PNLDC1: variants seen among roughly 807,000 people sequenced by gnomAD.
PNLDC1 encodes the protein PARN like ribonuclease domain containing exonuclease 1, also known as poly(A)-specific ribonuclease PNLDC1.
Under a neutral mutation model 82.0 loss-of-function variants are expected in PNLDC1, and 70 were observed. That is an observed-to-expected ratio of 0.85 (90% confidence interval 0.70 to 1.04). The LOEUF (loss-of-function observed/expected upper bound fraction) is 1.04. PNLDC1 is among the 50% of genes least tolerant of loss of function. The pLI is 0.00. For missense variants in PNLDC1, 631 were observed against 661.1 expected, an observed-to-expected ratio of 0.95 and a Z score of 0.50; for synonymous variants, 280 against 249.3, an observed-to-expected ratio of 1.12 and a Z score of -1.16.
intron 1 of PNLDC1, 45 bp downstream of exon 1, chr6:159,800,428 C>G: frequency 1.3e-6 from 2 of 1,530,388 alleles, no homozygotes; most frequent in South Asian, 2.4e-5. Context: ...GAGCCCCTTG[C>G]CCCGGGCGAG....
intron 15 of PNLDC1, among the ~76,000 whole-genome samples, chr6:159,817,695 G>A (rs774305577): frequency 2.6e-5 from 4 of 152,196 alleles, no homozygotes; most frequent in East Asian, 1.9e-4. Context: ...CATTAGCAGC[G>A]TGCACGCTAC....
At chr6:159,810,470 CT>C (rs1157471655) in intron 10 of PNLDC1, among the ~76,000 whole-genome samples, 2 of 152,116 alleles carry the variant, frequency 1.3e-5, no homozygotes, top group Admixed American at 6.5e-5. Context: ...TTTTGTTTGG[CT>C]TTTTTTCCAC....
At chr6:159,805,772 A>C in intron 6 of PNLDC1, 1 of 548,780 alleles carries the variant, frequency 1.8e-6, no homozygotes, top group Non-Finnish European at 3.3e-6. Context: ...ATATGCCTGG[A>C]TCCTATGGAA....
intron 10 of PNLDC1, 76 bp downstream of exon 10, chr6:159,810,171 C>G: frequency 7.3e-7 from 1 of 1,363,856 alleles, no homozygotes; most frequent in Non-Finnish European, 1.0e-6. Context: ...ACAATCATAC[C>G]CCTGAGGCAG....
chr6:159,811,013 C>G (rs531193652), intron 10 of PNLDC1, among the ~76,000 whole-genome samples: 2 of 152,246 alleles, frequency 1.3e-5, no homozygotes, highest in African/African-American at 4.8e-5. Flanking sequence ...TGGGGCGATA[C>G]GGGCATGTGT....
At chr6:159,805,314 G>A (rs548146699) in intron 6 of PNLDC1, among the ~76,000 whole-genome samples, 5 of 152,212 alleles carry the variant, frequency 3.3e-5, no homozygotes, top group African/African-American at 9.7e-5. Flanking sequence ...TATCAGCTAG[G>A]TGTGGGTTTG....
intron 3 of PNLDC1, among the ~76,000 whole-genome samples, chr6:159,802,214 C>T (rs374208112): frequency 6.6e-5 from 10 of 152,350 alleles, no homozygotes; most frequent in African/African-American, 2.4e-4. Context: ...ATGAGCATGG[C>T]TCCATTCCAG....
intron 8 of PNLDC1, 23 bp from the exon 9 acceptor site, chr6:159,808,992 G>A: frequency 6.2e-7 from 1 of 1,609,090 alleles, no homozygotes; most frequent in African/African-American, 1.3e-5. Flanking sequence ...CCAGGATTCA[G>A]GGAATTTGTC....
Position 159,801,128 on chromosome 6 carries a change from A to T in PNLDC1, c.150A>T (p.Pro50=). 1 of 1,614,190 alleles carries T rather than the reference A, an allele frequency of 6.2e-7. No individual in the cohort carries two copies. Among genetic ancestry groups the T allele is most frequent in the Non-Finnish European group, 8.5e-7 (1 of 1,180,014 alleles). Reference sequence around the variant, plus strand: ...TTGTTCACAGTCTTTTTGATTTGCCATCGGAGTGGTATCTAAAGACCCGTC... The same window carrying T: ...TTGTTCACAGTCTTTTTGATTTGCCTTCGGAGTGGTATCTAAAGACCCGTC... ...GPQQISLFDL[P]SEWYLKTRQS... The change falls in exon 3 of 19, where the codon CCA becomes CCT. Residue 50 remains proline (P), a synonymous_variant. Transcript: ENST00000392167.
At chr6:159,809,486 ATC>A (rs1781573482) in intron 9 of PNLDC1, among the ~76,000 whole-genome samples, 1 of 138,172 alleles carries the variant, frequency 7.2e-6, no homozygotes, top group Admixed American at 7.5e-5. Flanking sequence ...TAGAGACGGG[ATC>A]TCGCAGTGTT....
intron 3 of PNLDC1, among the ~76,000 whole-genome samples, chr6:159,801,443 TGC>T (rs1214509641): frequency 6.6e-6 from 1 of 152,116 alleles, no homozygotes. Flanking sequence ...ACTGTGTGTG[TGC>T]GATTTTTATT....
At chr6:159,811,556 C>A in intron 10 of PNLDC1, 145 bp from the exon 11 acceptor site, 1 of 628,242 alleles carries the variant, frequency 1.6e-6, no homozygotes, top group Non-Finnish European at 2.8e-6. Context: ...TCCTTAGTGG[C>A]TAGGATTAAT....
chr6:159,807,919 C>CT lies in PNLDC1; in HGVS notation c.563-809dup, dbSNP rs781388141. On this transcript the variant is annotated intron_variant, in intron 7 of 18. Coordinates refer to ENST00000392167, the MANE Select transcript of PNLDC1 (RefSeq NM_001271862.2). ...CTGCTTGAGGCTGGATTTTTTTTTT[C>CT]TTTTTTTTTTTTGAGAAGGAGTCTT... Among the ~76,000 whole-genome samples the CT allele has an allele frequency of 6.8e-3, 970 of 143,186 alleles. 6 individuals are homozygous for CT. Among genetic ancestry groups the CT allele is most frequent in the African/African-American group, 0.017 (680 of 39,170 alleles). The allele number at this position is 143,186 out of a possible 152,430, so 93.9% of individuals were successfully genotyped here. A position where few individuals can be genotyped will look rare whatever the true frequency, so the allele number is the denominator to read the frequency against.
intron 11 of PNLDC1, 103 bp downstream of exon 11, chr6:159,811,889 GTTTTGTTTTGTTTTGT>G: frequency 1.5e-6 from 1 of 651,184 alleles, no homozygotes; most frequent in East Asian, 5.2e-5. Context: ...TGTTTTTTTT[GTTTTGTTTTGTTTTGT>G]TTTGTTTTGT....
intron 1 of PNLDC1, 163 bp downstream of exon 1, chr6:159,800,546 G>A: frequency 7.4e-7 from 1 of 1,343,962 alleles, no homozygotes; most frequent in Non-Finnish European, 1.0e-6. Flanking sequence ...GGGACTTTGA[G>A]CAGCAAGTAC....
Position 159,819,019 on chromosome 6 carries a change from T to C in PNLDC1, c.1331T>C (p.Val444Ala). 1.2e-6 allele frequency: 2 copies of C among 1,613,866 alleles called. No individual in the cohort carries two copies. The highest frequency in any genetic ancestry group is 3.3e-5 in the Admixed American group (2 of 59,998). ...LILSVKRWPG[V>A]SEQQVYHKFQ... is the part of the protein sequence containing the mutation. ...CTCAGCGTCAAAAGGTGGCCTGGGG[T>C]CAGCGAGCAGCAAGTCTACCATAAG... The change falls in exon 17 of 19, where the codon GTC (valine) becomes GCC (alanine). Residue 444 changes from valine (V) to alanine (A), a missense_variant. Physicochemically the swap from Val to Ala is moderately conservative, Grantham distance 64. Transcript: ENST00000392167. This position sits in a 1 kb window ranked among gnomAD's most constrained non-coding sequence, Gnocchi z 4.6.
In PNLDC1 at chr6:159,813,604, A is replaced by G; in HGVS notation, c.943A>G (p.Met315Val). The G allele has an allele frequency of 6.2e-7, 1 of 1,612,378 alleles. No individual in the cohort carries two copies. The highest frequency in any genetic ancestry group is 1.7e-4 in the Middle Eastern group (1 of 6,060). Residue 315 changes from methionine to valine, a missense_variant, in exon 12 of 19, where the codon ATG (methionine) becomes GTG (valine). Physicochemically the swap from Met to Val is conservative, Grantham distance 21. Transcript: ENST00000392167. ...GGTTTGTTTTCCATGATTGTAGGAGATGAATTTCCCGAGGGTGTCGAATCT... is the reference window on the plus strand; with the variant it reads ...GGTTTGTTTTCCATGATTGTAGGAGGTGAATTTCCCGAGGGTGTCGAATCT... ...KSVTKDIWKEMNFPRVSNLSE... is the reference protein window; with the variant it reads ...KSVTKDIWKEVNFPRVSNLSE...
intron 9 of PNLDC1, among the ~76,000 whole-genome samples, chr6:159,809,766 G>C (rs1406044835): frequency 1.3e-5 from 2 of 152,182 alleles, no homozygotes; most frequent in Non-Finnish European, 2.9e-5. Context: ...AACTGCAAGT[G>C]CCTGCTTCAC....
rs775878951 is a variant in PNLDC1, at chr6:159,820,655, G to T, written c.*138G>T. ...CTAGAAATTCTGTTATGTCCTGAACGTGAAATTCTGTCAACACTCTCAATG... is the reference window on the plus strand; with the variant it reads ...CTAGAAATTCTGTTATGTCCTGAACTTGAAATTCTGTCAACACTCTCAATG... On this transcript the variant is annotated 3_prime_UTR_variant, in exon 19 of 19. Coordinates refer to ENST00000392167, the MANE Select transcript of PNLDC1 (RefSeq NM_001271862.2). The T allele has an allele frequency of 3.9e-6, 3 of 768,692 alleles. No homozygotes were observed. Among genetic ancestry groups the T allele is most frequent in the Non-Finnish European group, 6.6e-6 (3 of 455,562 alleles). 47.6% of individuals were successfully genotyped at this position (768,692 alleles called of 1,614,324 possible).
Sources: allele counts gnomAD v4.1 joint callset (sites outside exome capture counted in the v4.1 genomes callset), GRCh38; gene constraint gnomAD v4.1.1; non-coding constraint Gnocchi (gnomAD v3.1); transcripts MANE v1.5; gene names NCBI Gene and HGNC (gene_info 2026-07-23, HGNC 2026-07-21).